Variants in ARHGEF1 observed in about 807,000 individuals in gnomAD.
ARHGEF1 encodes the protein Rho guanine nucleotide exchange factor 1.
In ARHGEF1, 40 loss-of-function variants were observed where a neutral mutation model predicts 119.7. That is an observed-to-expected ratio of 0.33 (90% CI 0.26 to 0.44). ARHGEF1 has a LOEUF of 0.44. Among genes scored for constraint, ARHGEF1 ranks in the 20% least tolerant of loss-of-function variants. The probability of loss-of-function intolerance (pLI) is 1.00; values close to 1 mark genes in which losing one functional copy is unlikely to be tolerated. For synonymous variants in ARHGEF1, 494 were observed against 521.0 expected, an observed-to-expected ratio of 0.95 and a Z score of 0.71; for missense variants, 976 against 1,268.3, an observed-to-expected ratio of 0.77 and a Z score of 3.50.
rs1555846530 is a variant in ARHGEF1, at chr19:41,892,744, A to G, written c.509A>G (p.Gln170Arg). ...KRLMGMTPWE[Q>R]ELAQLEAWVG... ...CTCATGGGCATGACGCCCTGGGAGC[A>G]GGAGCTGGCCCAGCTGGAGGCTTGG... The change falls in exon 7 of 29, where the codon CAG becomes CGG. Residue 170 changes from glutamine to arginine, a missense_variant. Physicochemically the swap from Gln to Arg is conservative, Grantham distance 43. This residue lies in a region of ARHGEF1 where 519 missense variants were observed against 580.9 expected (regional missense o/e 0.89). Coordinates refer to ENST00000354532, the MANE Select transcript of ARHGEF1 (RefSeq NM_004706.4). This position sits in a 1 kb window ranked among gnomAD's most constrained non-coding sequence, Gnocchi z 6.3. 6.2e-6 allele frequency: 10 copies of G among 1,610,958 alleles called. No homozygotes were observed. The highest frequency in any genetic ancestry group is 8.5e-6 in the Non-Finnish European group (10 of 1,178,842).
intron 1 of ARHGEF1, among the ~76,000 whole-genome samples, chr19:41,884,050 G>A (rs2074256808): frequency 6.6e-6 from 1 of 152,204 alleles, no homozygotes. Context: ...AAATTCAGCG[G>A]GTCCCCTAAG....
At chr19:41,925,375 C>T (rs574774179) in intron 1 of ARHGEF1, among the ~76,000 whole-genome samples, 1 of 152,036 alleles carries the variant, frequency 6.6e-6, no homozygotes, top group South Asian at 2.1e-4. Context: ...TGTGGGAAAA[C>T]AGGTATACAG....
Position 41,905,611 on chromosome 19 carries a change from T to C in ARHGEF1, c.2337-149T>C, listed in dbSNP as rs2074680707. 1 of 777,390 alleles carries C rather than the reference T, an allele frequency of 1.3e-6. No homozygotes were observed. The highest frequency in any genetic ancestry group is 2.1e-6 in the Non-Finnish European group (1 of 487,168). 48.2% of individuals were successfully genotyped at this position (777,390 alleles called of 1,614,324 possible). On this transcript the variant is annotated intron_variant, in intron 24 of 28. Coordinates refer to ENST00000354532, the MANE Select transcript of ARHGEF1 (RefSeq NM_004706.4). The surrounding 1 kb of genome is among the most constrained non-coding windows in gnomAD (Gnocchi z 6.4). ...CCAGGCCTCTGTGTCTTCCATTGTC[T>C]GGGCCTCTCTGTCTCCCTGTCTCCC...
chr19:41,885,696 G>A (rs1175198376), intron 1 of ARHGEF1, among the ~76,000 whole-genome samples: 7 of 152,060 alleles, frequency 4.6e-5, no homozygotes, highest in Admixed American at 3.3e-4. Flanking sequence ...TCTTGACTTC[G>A]TGATCCGCCC....
chr19:41,921,350 C>T (rs1371691879), upstream of ARHGEF1, among the ~76,000 whole-genome samples: 8 of 151,874 alleles, frequency 5.3e-5, no homozygotes, highest in East Asian at 1.9e-4. The surrounding 1 kb of genome is among the most constrained non-coding windows in gnomAD (Gnocchi z 4.4). Context: ...GAGTGAGACA[C>T]GGAGGGAGAT....
chr19:41,898,024 T>C (rs2074541112), intron 13 of ARHGEF1: 4 of 1,334,130 alleles, frequency 3.0e-6, no homozygotes, highest in Non-Finnish European at 2.9e-6. Context: ...GCCTCGGGGC[T>C]AAGGGCCGGG....
At chr19:41,901,255 T>TTC (rs1199789788) in intron 14 of ARHGEF1, among the ~76,000 whole-genome samples, 7 of 152,086 alleles carry the variant, frequency 4.6e-5, no homozygotes, top group Admixed American at 4.6e-4. Flanking sequence ...GTTCAAGAGA[T>TTC]TCTCCTGCCT....
chr19:41,921,038 G>C (rs1555852442), upstream of ARHGEF1, among the ~76,000 whole-genome samples: 1 of 152,362 alleles, frequency 6.6e-6, no homozygotes, highest in East Asian at 1.9e-4. The surrounding 1 kb of genome is among the most constrained non-coding windows in gnomAD (Gnocchi z 4.4). Context: ...GCTCCGAATG[G>C]TGTCAGTTGA....
chr19:41,914,966 C>G lies in ARHGEF1; in HGVS notation c.1866-8126C>G, dbSNP rs1285536587. On this transcript the variant is annotated intron_variant, in intron 18 of 20. Transcript: ENST00000599589. ...CCCTCCTCTTCCACTATCTCTGTCT[C>G]TCCCTCCCTCCCCCTCCAGCATCTC... Among the ~76,000 whole-genome samples, 10 of 82,664 alleles carry G rather than the reference C, an allele frequency of 1.2e-4. 1 individual carries two copies. Among genetic ancestry groups the G allele is most frequent in the African/African-American group, 1.0e-3 (10 of 9,802 alleles). 54.2% of individuals were successfully genotyped at this position (82,664 alleles called of 152,430 possible). A position where few individuals can be genotyped will look rare whatever the true frequency, so the allele number is the denominator to read the frequency against.
downstream of ARHGEF1, chr19:41,908,077 C>CCCT (rs142789626): frequency 3.8e-5 from 20 of 519,732 alleles, no homozygotes; most frequent in African/African-American, 3.9e-4. This position sits in a 1 kb window ranked among gnomAD's most constrained non-coding sequence, Gnocchi z 6.7. Context: ...AGACCCCCCC[C>CCCT]ACTCTGGGGC....
chr19:41,900,322 C>T (rs1460529318), intron 14 of ARHGEF1, among the ~76,000 whole-genome samples: 2 of 152,046 alleles, frequency 1.3e-5, no homozygotes, highest in African/African-American at 4.8e-5. Context: ...ATCTAGGTGA[C>T]AGAGCAAGAC....
At chr19:41,897,056 C>A in intron 13 of ARHGEF1, 1 of 433,002 alleles carries the variant, frequency 2.3e-6, no homozygotes, top group Non-Finnish European at 4.6e-6. Context: ...TTTTTTCAGC[C>A]CTTCCTCCCC....
At position 41,902,296 on chromosome 19, in the gene ARHGEF1, G is replaced by A. The variant is rs146077930; in HGVS notation, c.1437G>A (p.Met479Ile). The change falls in exon 16 of 29, where the codon ATG becomes ATA. Residue 479 changes from methionine (M) to isoleucine (I), a missense_variant. Met to Ile is a conservative substitution (Grantham distance 10). Coordinates refer to ENST00000354532, the MANE Select transcript of ARHGEF1 (RefSeq NM_004706.4). The surrounding 1 kb of genome is among the most constrained non-coding windows in gnomAD (Gnocchi z 6.5). ...CAGCCCTGTTCCTCGATCGCCTGAT[G>A]AAGCGGAGGCAGGAGAGTGGCTACC... ...EVHSLFLDRL[M>I]KRRQESGYLI... The A allele has an allele frequency of 2.3e-5, 37 of 1,614,222 alleles. No individual in the cohort carries two copies. Among genetic ancestry groups the A allele is most frequent in the Admixed American group, 1.7e-4 (10 of 60,038 alleles).
Position 41,892,546 on chromosome 19 carries a change from G to A in ARHGEF1, c.368-57G>A. On this transcript the variant is annotated intron_variant, in intron 6 of 28. Coordinates refer to ENST00000354532, the MANE Select transcript of ARHGEF1 (RefSeq NM_004706.4). This position sits in a 1 kb window ranked among gnomAD's most constrained non-coding sequence, Gnocchi z 6.3. ...CTGTTGGAGTCCAAGGGTGGGTGGG[G>A]ACCGTGGTCCAAGCCACCAGGGAGC... The A allele has an allele frequency of 6.4e-7, 1 of 1,564,682 alleles. No homozygotes were observed. Among genetic ancestry groups the A allele is most frequent in the Non-Finnish European group, 8.7e-7 (1 of 1,151,764 alleles).
upstream of ARHGEF1, among the ~76,000 whole-genome samples, chr19:41,919,020 G>T (rs60505133): frequency 6.7e-6 from 1 of 149,310 alleles, no homozygotes; most frequent in Non-Finnish European, 1.5e-5. Context: ...TACACACCAT[G>T]CCACAGACAC....
chr19:41,918,326 C>G (rs1006229651), upstream of ARHGEF1, among the ~76,000 whole-genome samples: 9 of 151,614 alleles, frequency 5.9e-5, no homozygotes, highest in African/African-American at 1.9e-4. Flanking sequence ...ACCACATACA[C>G]ACACACGGTA....
Position 41,903,640 on chromosome 19 carries a change from A to T in ARHGEF1, c.1840-67A>T. On this transcript the variant is annotated intron_variant, in intron 19 of 28. Transcript: ENST00000354532. The surrounding 1 kb of genome is among the most constrained non-coding windows in gnomAD (Gnocchi z 4.2). ...GTTGGTCTTGGCTCTCATCTTACCA[A>T]TGTGGGTCACTGCAGGTCAGCCCCA... The T allele has an allele frequency of 6.5e-7, 1 of 1,539,206 alleles. No individual in the cohort carries two copies. The highest frequency in any genetic ancestry group is 8.9e-7 in the Non-Finnish European group (1 of 1,121,160).
chr19:41,920,724 C>G (rs1160478600), upstream of ARHGEF1, among the ~76,000 whole-genome samples: 3 of 152,246 alleles, frequency 2.0e-5, no homozygotes, highest in Admixed American at 1.3e-4. Flanking sequence ...CACACACACA[C>G]TCGGTCTTCT....
At chr19:41,885,327 C>A (rs1362098327) in intron 1 of ARHGEF1, among the ~76,000 whole-genome samples, 1 of 152,238 alleles carries the variant, frequency 6.6e-6, no homozygotes, top group Non-Finnish European at 1.5e-5. Flanking sequence ...TGACCACATA[C>A]CCGTGACTTT....
Sources: allele counts gnomAD v4.1 joint callset (sites outside exome capture counted in the v4.1 genomes callset), GRCh38; gene constraint gnomAD v4.1.1; regional missense constraint gnomAD v4.1.1; non-coding constraint Gnocchi (gnomAD v3.1); transcripts MANE v1.5; gene names NCBI Gene and HGNC (gene_info 2026-07-23, HGNC 2026-07-21).